The following SUMF1 variants were observed in gnomAD, a reference collection of about 807,000 sequenced individuals.
The protein encoded by SUMF1 is formylglycine-generating enzyme.
A neutral mutation model predicts 47.6 loss-of-function variants in SUMF1; 48 were observed. That is an observed-to-expected ratio of 1.01 (90% CI 0.80 to 1.28). The LOEUF is 1.28. SUMF1 is among the 50% of genes most tolerant of loss of function. The probability of loss-of-function intolerance (pLI) is 0.00; values close to 1 mark genes in which losing one functional copy is unlikely to be tolerated. For synonymous variants in SUMF1, 230 were observed against 192.1 expected, an observed-to-expected ratio of 1.20 and a Z score of -1.63; for missense variants, 571 against 485.4, an observed-to-expected ratio of 1.18 and a Z score of -1.66.
chr3:4,320,390 AGGT>A (rs1384503737), intron 8 of SUMF1, among the ~76,000 whole-genome samples: 1 of 152,196 alleles, frequency 6.6e-6, no homozygotes. Context: ...TTCCCTCTGG[AGGT>A]TTGATAATTA....
At chr3:4,390,992 C>A (rs990862113) in intron 7 of SUMF1, among the ~76,000 whole-genome samples, 1 of 152,162 alleles carries the variant, frequency 6.6e-6, no homozygotes, top group South Asian at 2.1e-4. Context: ...GGAGTCAAAC[C>A]TCCTTCACCT....
intron 8 of SUMF1, among the ~76,000 whole-genome samples, chr3:4,101,239 C>A (rs957545487): frequency 1.1e-4 from 16 of 152,048 alleles, no homozygotes; most frequent in African/African-American, 3.6e-4. Flanking sequence ...ATGAAAACAA[C>A]CTGTGTCCAT....
chr3:4,229,807 A>C (rs1370409766), intron 8 of SUMF1, among the ~76,000 whole-genome samples: 1 of 152,042 alleles, frequency 6.6e-6, no homozygotes, highest in East Asian at 1.9e-4. Context: ...TGAGACAAAG[A>C]GTTTGAGACC....
intron 8 of SUMF1, chr3:4,068,749 A>T (rs1252417266): frequency 2.7e-6 from 1 of 376,986 alleles, no homozygotes; most frequent in Non-Finnish European, 5.3e-6. Flanking sequence ...CTTGGGACTA[A>T]AACAAATAAG....
At chr3:4,398,804 T>C (rs946197990) in intron 7 of SUMF1, among the ~76,000 whole-genome samples, 1 of 152,202 alleles carries the variant, frequency 6.6e-6, no homozygotes, top group African/African-American at 2.4e-5. Context: ...ATTATCTTTA[T>C]ATTTATAACA....
At chr3:4,143,883 A>G (rs1255116851) in intron 8 of SUMF1, among the ~76,000 whole-genome samples, 1 of 152,092 alleles carries the variant, frequency 6.6e-6, no homozygotes, top group African/African-American at 2.4e-5. Context: ...CTGAATCTTA[A>G]TATACATTCT....
At chr3:4,164,795 C>G (rs144506472) in intron 8 of SUMF1, among the ~76,000 whole-genome samples, 2 of 152,198 alleles carry the variant, frequency 1.3e-5, no homozygotes, top group East Asian at 3.9e-4. Context: ...CTCCTGATAT[C>G]TGTGCCAGAT....
intron 6 of SUMF1, among the ~76,000 whole-genome samples, chr3:4,412,824 G>C (rs1438901021): frequency 1.3e-5 from 2 of 152,136 alleles, no homozygotes; most frequent in Non-Finnish European, 2.9e-5. Flanking sequence ...AGGAGGCAGA[G>C]GTTGCAGTGA....
chr3:4,175,809 G>T (rs1232649574), intron 8 of SUMF1, among the ~76,000 whole-genome samples: 2 of 152,108 alleles, frequency 1.3e-5, no homozygotes, highest in Admixed American at 1.3e-4. Context: ...TAGACAAATG[G>T]CTAACTAGAA....
chr3:4,386,579 T>C (rs911093962), intron 7 of SUMF1, among the ~76,000 whole-genome samples: 7 of 152,210 alleles, frequency 4.6e-5, no homozygotes, highest in Middle Eastern at 3.4e-3. Flanking sequence ...CTTGCTGATC[T>C]GTATACCTCT....
At chr3:4,404,966 G>A (rs574951645) in intron 7 of SUMF1, among the ~76,000 whole-genome samples, 2 of 152,238 alleles carry the variant, frequency 1.3e-5, no homozygotes, top group South Asian at 4.1e-4. Context: ...GATATTTACC[G>A]GTTTTTGCCA....
In SUMF1 at chr3:4,353,322, C is replaced by T. The variant is rs759510308; in HGVS notation, c.1014+23008G>A. Reference sequence around the variant, plus strand: ...GGCTGGAGTACAGTGGCGTGATCTCCGCTCACTGCAAACTCCGCCTCCCAG... The same window carrying T: ...GGCTGGAGTACAGTGGCGTGATCTCTGCTCACTGCAAACTCCGCCTCCCAG... On this transcript the variant is annotated intron_variant and NMD_transcript_variant, in intron 8 of 12. Coordinates refer to the SUMF1 transcript ENST00000448413. 3.9e-5 allele frequency among the ~76,000 whole-genome samples: 6 copies of T among 152,122 alleles called. No homozygotes were observed. The East Asian group carries it at 9.7e-4, about 25-fold the overall frequency.
intron 8 of SUMF1, among the ~76,000 whole-genome samples, chr3:4,170,796 G>A (rs150480534): frequency 3.0e-4 from 45 of 152,220 alleles, no homozygotes; most frequent in African/African-American, 9.9e-4. Flanking sequence ...ACAAAAAAAC[G>A]AACTTTGATT....
chr3:4,410,843 A>T (rs1701515930), intron 7 of SUMF1, 22 bp downstream of exon 7: 3 of 1,606,130 alleles, frequency 1.9e-6, no homozygotes, highest in Non-Finnish European at 2.6e-6. Context: ...TCCAAGACAC[A>T]TGCTCTGTGA....
intron 8 of SUMF1, among the ~76,000 whole-genome samples, chr3:4,365,450 G>A (rs1248046459): frequency 1.6e-5 from 2 of 127,340 alleles, no homozygotes; most frequent in African/African-American, 5.5e-5. Flanking sequence ...TTGTTGAATT[G>A]ATCCCTTTAT....
intron 8 of SUMF1, among the ~76,000 whole-genome samples, chr3:4,226,355 T>C (rs1357601395): frequency 6.9e-6 from 1 of 145,608 alleles, no homozygotes; most frequent in Non-Finnish European, 1.5e-5. Flanking sequence ...CTGCAACCTC[T>C]GCCTCCTGGG....
At chr3:4,225,672 A>T (rs1559586756) in intron 8 of SUMF1, among the ~76,000 whole-genome samples, 1 of 152,154 alleles carries the variant, frequency 6.6e-6, no homozygotes, top group African/African-American at 2.4e-5. Flanking sequence ...CGTCTCAGTG[A>T]CCTGAATCAT....
chr3:4,344,834 C>T (rs1226329336), intron 8 of SUMF1, among the ~76,000 whole-genome samples: 1 of 152,050 alleles, frequency 6.6e-6, no homozygotes, highest in African/African-American at 2.4e-5. Context: ...TAGAGAGGAA[C>T]ATAAACAACT....
chr3:4,071,306 G>C (rs1041322752), intron 8 of SUMF1, among the ~76,000 whole-genome samples: 11 of 152,244 alleles, frequency 7.2e-5, no homozygotes, highest in South Asian at 2.1e-4. Flanking sequence ...ATGGACAGTG[G>C]GTGCAGCCCA....
Sources: gnomAD v4.1 joint callset for allele counts (sites outside exome capture counted in the v4.1 genomes callset) on GRCh38, gnomAD v4.1.1 for gene constraint, MANE v1.5 for transcripts, NCBI Gene and HGNC (gene_info 2026-07-23, HGNC 2026-07-21) for gene names.